CLYBL: variants seen among roughly 807,000 people sequenced by gnomAD.
CLYBL encodes citramalyl-CoA lyase, also known as citramalyl-CoA lyase, mitochondrial.
A neutral mutation model predicts 38.9 loss-of-function variants in CLYBL; 31 were observed. The observed-to-expected ratio is 0.80, with a 90% CI of 0.60 to 1.08. The LOEUF (loss-of-function observed/expected upper bound fraction) is 1.08, where lower values mean the gene tolerates loss of function less well. CLYBL is among the 50% of genes least tolerant of loss of function. The pLI is 0.00. For synonymous variants in CLYBL, 171 were observed against 158.6 expected (o/e 1.08, Z -0.59); for missense variants, 434 against 411.6 (o/e 1.05, Z -0.47).
At chr13:99,662,766 G>T (rs931806561) in intron 1 of CLYBL, among the ~76,000 whole-genome samples, 2 of 152,158 alleles carry the variant, frequency 1.3e-5, no homozygotes, top group African/African-American at 2.4e-5. Context: ...ACCAGTTTTG[G>T]TAAGGGATAC....
chr13:99,829,067 A>G (rs569366235), intron 2 of CLYBL, among the ~76,000 whole-genome samples: 4 of 152,344 alleles, frequency 2.6e-5, no homozygotes, highest in Admixed American at 1.3e-4. Context: ...CAGAATCTGC[A>G]TCAGGCATCA....
chr13:99,693,458 A>G (rs940033222), intron 1 of CLYBL, among the ~76,000 whole-genome samples: 3 of 152,114 alleles, frequency 2.0e-5, no homozygotes, highest in East Asian at 1.9e-4. Context: ...GGTATTATCC[A>G]TCAAGCCTTC....
Position 99,626,040 on chromosome 13 carries a change from T to G in CLYBL, c.62+19283T>G, listed in dbSNP as rs1035137682. On this transcript the variant is annotated intron_variant, in intron 1 of 8. Transcript: ENST00000339105. Reference sequence around the variant, plus strand: ...CCAGTATTGTGTCTTAGTCTTCAAGTGGCCAGTGCAGTACCTTGGCCTGTG... The same window carrying G: ...CCAGTATTGTGTCTTAGTCTTCAAGGGGCCAGTGCAGTACCTTGGCCTGTG... Among the ~76,000 whole-genome samples the G allele has an allele frequency of 4.6e-5, 7 of 152,216 alleles. No homozygotes were observed. The East Asian group carries it at 9.6e-4, about 21-fold the overall frequency.
chr13:99,843,041 GGAAACT>G (rs2051122031), intron 2 of CLYBL, among the ~76,000 whole-genome samples: 2 of 152,224 alleles, frequency 1.3e-5, no homozygotes, highest in African/African-American at 4.8e-5. Context: ...TTTCACATGA[GGAAACT>G]GAGGCACAGT....
chr13:99,745,541 T>C (rs4772235), intron 1 of CLYBL, among the ~76,000 whole-genome samples: 57,050 of 152,082 alleles, frequency 0.38, 11,268 homozygotes, highest in South Asian at 0.51. Context: ...AAGGAATTAG[T>C]GCTTATAGCA....
At position 99,866,290 on chromosome 13, in the gene CLYBL, A is replaced by G. The variant is rs1291581489; in HGVS notation, c.685A>G (p.Ile229Val). The change falls in exon 6 of 9, where the codon ATT becomes GTT. Residue 229 changes from isoleucine to valine, a missense_variant. By Grantham distance (29) the Ile-to-Val change is conservative (BLOSUM62 3). Coordinates refer to ENST00000339105, the MANE Select transcript of CLYBL (RefSeq NM_206808.5). ...TLDILYARQK[I>V]VVIAKAFGLQ... ...GGATATTCTCTACGCCCGGCAAAAG[A>G]TTGTTGTCATAGCGAAAGCCTTTGG... 1 of 1,614,048 alleles carries G rather than the reference A, an allele frequency of 6.2e-7. No homozygotes were observed. Among genetic ancestry groups the G allele is most frequent in the Admixed American group, 1.7e-5 (1 of 60,020 alleles).
At chr13:99,671,636 C>G (rs2047565670) in intron 1 of CLYBL, among the ~76,000 whole-genome samples, 1 of 151,924 alleles carries the variant, frequency 6.6e-6, no homozygotes, top group African/African-American at 2.4e-5. Context: ...AAAAATTAGC[C>G]AGGTGTGATG....
At chr13:99,803,261 A>G (rs1406931494) in intron 2 of CLYBL, among the ~76,000 whole-genome samples, 1 of 152,200 alleles carries the variant, frequency 6.6e-6, no homozygotes, top group Non-Finnish European at 1.5e-5. Context: ...TCTGCTAACA[A>G]TGACAAAAGG....
rs897895465 is a variant in CLYBL at position 99,891,181 on chromosome 13, G to A, written c.928-137G>A. On this transcript the variant is annotated intron_variant, in intron 7 of 8. Transcript: ENST00000339105. Reference sequence around the variant, plus strand: ...AGTGTTTCCTCTGTAATTTACTTTGGCTTTCTCAAAAGTTGGGCGGGAAAG... The same window carrying A: ...AGTGTTTCCTCTGTAATTTACTTTGACTTTCTCAAAAGTTGGGCGGGAAAG... 7.8e-6 allele frequency: 5 copies of A among 645,138 alleles called. No homozygotes were observed. In the African/African-American group the frequency reaches 9.1e-5, roughly 12 times the overall value. 40.0% of individuals were successfully genotyped at this position (645,138 alleles called of 1,614,324 possible). A position where few individuals can be genotyped will look rare whatever the true frequency, so the allele number is the denominator to read the frequency against.
At chr13:99,733,237 T>G (rs1477552280) in intron 1 of CLYBL, among the ~76,000 whole-genome samples, 1 of 151,678 alleles carries the variant, frequency 6.6e-6, no homozygotes, top group African/African-American at 2.4e-5. Flanking sequence ...ATCCCAATAA[T>G]GTAAGATATA....
At chr13:99,780,551 T>TTGTATTA in intron 2 of CLYBL, among the ~76,000 whole-genome samples, 1 of 151,370 alleles carries the variant, frequency 6.6e-6, no homozygotes. Flanking sequence ...TGGCTAATTT[T>TTGTATTA]TTGTGTGTTT....
chr13:99,904,306 GA>G (rs1267540028), intron 8 of CLYBL, among the ~76,000 whole-genome samples: 1 of 152,158 alleles, frequency 6.6e-6, no homozygotes, highest in African/African-American at 2.4e-5. Context: ...CTCGAAAGGC[GA>G]AATGTGGCCC....
At chr13:99,908,059 T>C (rs956742084) in exon 10 of CLYBL, among the ~76,000 whole-genome samples, 8 of 152,186 alleles carry the variant, frequency 5.3e-5, no homozygotes, top group African/African-American at 1.7e-4. Flanking sequence ...CTGCAGGTTC[T>C]TGGAAAGAGC....
intron 2 of CLYBL, among the ~76,000 whole-genome samples, chr13:99,819,465 T>TATATATATATATATATAAAA (rs1366110606): frequency 1.7e-5 from 1 of 58,744 alleles, no homozygotes; most frequent in Admixed American, 1.6e-4. Context: ...TATATATATA[T>TATATATATATATATATAAAA]ATAATATTTG....
chr13:99,769,876 T>C (rs2049345595), intron 1 of CLYBL, among the ~76,000 whole-genome samples: 1 of 152,130 alleles, frequency 6.6e-6, no homozygotes, highest in Admixed American at 6.6e-5. Flanking sequence ...GTGATTTTTC[T>C]TGAGATACAT....
intron 2 of CLYBL, among the ~76,000 whole-genome samples, chr13:99,807,960 T>G (rs535144685): frequency 6.6e-6 from 1 of 152,296 alleles, no homozygotes; most frequent in Admixed American, 6.5e-5. Flanking sequence ...AGAATTAGGA[T>G]AGATTGTAGT....
chr13:99,850,203 A>AAGAT (rs2051299608), intron 2 of CLYBL, among the ~76,000 whole-genome samples: 1 of 152,220 alleles, frequency 6.6e-6, no homozygotes, highest in Admixed American at 6.5e-5. Context: ...AGAAAATGAA[A>AAGAT]AGATAGCTTC....
chr13:99,779,149 T>A (rs565985896), intron 2 of CLYBL, among the ~76,000 whole-genome samples: 8 of 152,222 alleles, frequency 5.3e-5, no homozygotes, highest in African/African-American at 1.9e-4. Flanking sequence ...GTTTTTTGTT[T>A]TTGTTTTTTT....
intron 1 of CLYBL, among the ~76,000 whole-genome samples, chr13:99,756,841 A>G (rs1252683263): frequency 6.6e-6 from 1 of 152,206 alleles, no homozygotes; most frequent in African/African-American, 2.4e-5. Flanking sequence ...GTATCTTCAA[A>G]TGGACATGCG....
Sources: allele counts gnomAD v4.1 joint callset (sites outside exome capture counted in the v4.1 genomes callset), GRCh38; gene constraint gnomAD v4.1.1; transcripts MANE v1.5; gene names NCBI Gene and HGNC (gene_info 2026-07-23, HGNC 2026-07-21).